Variants in ELF1 observed in about 807,000 individuals in gnomAD.
The protein encoded by ELF1 is E74 like ETS transcription factor 1, also known as ETS-related transcription factor Elf-1.
A neutral mutation model predicts 59.9 loss-of-function variants in ELF1; 24 were observed. The ratio of observed to expected loss-of-function variants is 0.40; its 90% CI spans 0.29 to 0.56. The LOEUF (loss-of-function observed/expected upper bound fraction) is 0.56, where lower values mean the gene tolerates loss of function less well. Ranked by LOEUF, ELF1 falls within the 20% of genes least tolerant of loss-of-function variation. The pLI is 0.44. For synonymous variants in ELF1, 248 were observed against 266.2 expected (o/e 0.93, Z 0.67); for missense variants, 627 against 742.2 (o/e 0.84, Z 1.80).
At chr13:41,028,177 G>T (rs570942744) in intron 1 of ELF1, among the ~76,000 whole-genome samples, 1 of 152,276 alleles carries the variant, frequency 6.6e-6, no homozygotes, top group South Asian at 2.1e-4. Flanking sequence ...CATGGAACTG[G>T]AGTCAAAACT....
intron 2 of ELF1, among the ~76,000 whole-genome samples, chr13:40,978,805 A>G (rs77770695): frequency 6.6e-6 from 1 of 151,870 alleles, no homozygotes; most frequent in South Asian, 2.1e-4. Flanking sequence ...AAAAAAAAAA[A>G]GGACTTCTGT....
intron 1 of ELF1, among the ~76,000 whole-genome samples, chr13:41,000,237 C>CTTTTTTTTT (rs55938711): frequency 5.5e-5 from 3 of 54,722 alleles, no homozygotes; most frequent in African/African-American, 2.3e-4. Context: ...TTGAACCTGG[C>CTTTTTTTTT]TTTTTTTTTT....
intron 1 of ELF1, among the ~76,000 whole-genome samples, chr13:41,053,295 A>T (rs945818915): frequency 1.2e-4 from 18 of 152,096 alleles, no homozygotes; most frequent in Admixed American, 6.6e-5. Flanking sequence ...CAGAGCTTGT[A>T]GTGAGCCGAG....
At chr13:40,955,276 T>TTG (rs1555272540) in intron 3 of ELF1, among the ~76,000 whole-genome samples, 1 of 135,138 alleles carries the variant, frequency 7.4e-6, no homozygotes, top group African/African-American at 2.8e-5. Flanking sequence ...GGGAGGGAGG[T>TTG]GGGGGTCAGC....
chr13:40,982,881 G>A, intron 1 of ELF1: 6 of 985,168 alleles, frequency 6.1e-6, no homozygotes, highest in Non-Finnish European at 7.2e-6. Context: ...GTCTTCAGTG[G>A]CTTCTTTTTT....
chr13:40,987,379 G>A (rs1156297665), intron 1 of ELF1, among the ~76,000 whole-genome samples: 1 of 149,614 alleles, frequency 6.7e-6, no homozygotes, highest in Admixed American at 6.6e-5. Context: ...TCAGGAGTTC[G>A]AGACCAGCCT....
intron 1 of ELF1, among the ~76,000 whole-genome samples, chr13:41,052,068 T>C (rs938654509): frequency 2.6e-5 from 4 of 151,714 alleles, no homozygotes; most frequent in African/African-American, 9.7e-5. Context: ...ACCCTTCAAG[T>C]AGCTGAGATT....
At chr13:40,984,094 CTGAAT>C (rs1342219476) in intron 1 of ELF1, among the ~76,000 whole-genome samples, 1 of 152,182 alleles carries the variant, frequency 6.6e-6, no homozygotes. Flanking sequence ...CTTAATTCAA[CTGAAT>C]ACATGTTTGA....
At chr13:40,958,694 T>G in intron 3 of ELF1, 142 bp downstream of exon 3, 1 of 1,145,016 alleles carries the variant, frequency 8.7e-7, no homozygotes, top group Non-Finnish European at 1.1e-6. Context: ...TGTAATTTTC[T>G]TCTCCATGTA....
intron 1 of ELF1, among the ~76,000 whole-genome samples, chr13:41,005,606 C>T (rs1874701769): frequency 6.6e-6 from 1 of 152,036 alleles, no homozygotes; most frequent in Non-Finnish European, 1.5e-5. Flanking sequence ...TTATATCCCC[C>T]AACCAAACTA....
At chr13:40,951,306 C>T (rs1447389416) in intron 4 of ELF1, 23 bp downstream of exon 4, 1 of 1,565,892 alleles carries the variant, frequency 6.4e-7, no homozygotes, top group Admixed American at 1.7e-5. Flanking sequence ...AGTACATAAA[C>T]ATAAACAATC....
intron 1 of ELF1, among the ~76,000 whole-genome samples, chr13:40,991,904 T>C (rs1191820357): frequency 1.3e-5 from 2 of 152,190 alleles, no homozygotes; most frequent in African/African-American, 4.8e-5. Flanking sequence ...AAGTAGTGAT[T>C]TGGGATCACA....
chr13:40,941,409 C>T, intron 7 of ELF1, 39 bp from the exon 8 acceptor site: 1 of 1,485,568 alleles, frequency 6.7e-7, no homozygotes, highest in Non-Finnish European at 9.0e-7. Context: ...AATCAAACAT[C>T]AATTAAAATA....
At chr13:41,059,803 A>G (rs1460552620) in intron 1 of ELF1, among the ~76,000 whole-genome samples, 1 of 152,100 alleles carries the variant, frequency 6.6e-6, no homozygotes, top group African/African-American at 2.4e-5. Context: ...TCCCCTCCCC[A>G]GTCTCCAGCC....
intron 8 of ELF1, among the ~76,000 whole-genome samples, chr13:40,940,386 GAAAA>G (rs375400990): frequency 1.7e-3 from 192 of 109,752 alleles, no homozygotes; most frequent in African/African-American, 8.8e-3. Context: ...TGATTTAACT[GAAAA>G]AAAAAAAAAA....
At chr13:41,016,974 ATATATATG>A (rs1163034829) in intron 1 of ELF1, among the ~76,000 whole-genome samples, 1 of 126,338 alleles carries the variant, frequency 7.9e-6, no homozygotes, top group Non-Finnish European at 1.7e-5. Flanking sequence ...ATATATATAT[ATATATATG>A]AGCTAAAACT....
At chr13:40,973,580 G>T (rs989030654) in intron 2 of ELF1, among the ~76,000 whole-genome samples, 3 of 151,772 alleles carry the variant, frequency 2.0e-5, no homozygotes, top group African/African-American at 7.3e-5. Flanking sequence ...CACATCAAAG[G>T]TGTCAAATGT....
chr13:40,953,308 C>T (rs1348813433), intron 3 of ELF1, among the ~76,000 whole-genome samples: 1 of 152,162 alleles, frequency 6.6e-6, no homozygotes, highest in Non-Finnish European at 1.5e-5. Context: ...CTATTATAGG[C>T]TGAATGGTAT....
intron 1 of ELF1, among the ~76,000 whole-genome samples, chr13:41,000,654 A>G (rs964570663): frequency 8.5e-5 from 13 of 152,218 alleles, no homozygotes; most frequent in Non-Finnish European, 1.8e-4. Context: ...TACTATAAAG[A>G]CACATCCAGG....
Sources: gnomAD v4.1 joint callset for allele counts (sites outside exome capture counted in the v4.1 genomes callset) on GRCh38, gnomAD v4.1.1 for gene constraint, MANE v1.5 for transcripts, NCBI Gene and HGNC (gene_info 2026-07-23, HGNC 2026-07-21) for gene names.